ZBTB46: variants seen among roughly 807,000 people sequenced by gnomAD.
The protein encoded by ZBTB46 is zinc finger and BTB domain-containing protein 46.
Under a neutral mutation model 44.1 loss-of-function variants are expected in ZBTB46, and 8 were observed. That is an observed-to-expected ratio of 0.18 (90% CI 0.11 to 0.33). ZBTB46 has a LOEUF of 0.33. Among genes scored for constraint, ZBTB46 ranks in the 10% least tolerant of loss-of-function variants. ZBTB46 has a pLI of 1.00. For missense variants in ZBTB46, 651 were observed against 847.7 expected (o/e 0.77, Z 2.88); for synonymous variants, 409 against 382.3 (o/e 1.07, Z -0.81).
chr20:63,821,819 T>C (rs2092793958), intron 1 of ZBTB46, among the ~76,000 whole-genome samples: 1 of 152,164 alleles, frequency 6.6e-6, no homozygotes, highest in Non-Finnish European at 1.5e-5. Context: ...CCTGAAATGT[T>C]TCATTCACTT....
chr20:63,764,452 G>A (rs1461045528), intron 3 of ZBTB46, among the ~76,000 whole-genome samples: 1 of 151,758 alleles, frequency 6.6e-6, no homozygotes, highest in Non-Finnish European at 1.5e-5. Flanking sequence ...AAAAAAAATT[G>A]TGATGAATAT....
At chr20:63,795,532 G>A (rs2092596803) in intron 1 of ZBTB46, among the ~76,000 whole-genome samples, 1 of 152,262 alleles carries the variant, frequency 6.6e-6, no homozygotes, top group African/African-American at 2.4e-5. Flanking sequence ...TAGCCACCAG[G>A]AGAGGGAGAG....
At chr20:63,804,425 C>G (rs2092668622) in intron 1 of ZBTB46, among the ~76,000 whole-genome samples, 1 of 152,176 alleles carries the variant, frequency 6.6e-6, no homozygotes. Context: ...CCTGAGCCCT[C>G]TCAGCCAATG....
rs1340646387 is a variant in ZBTB46, at chr20:63,744,114, A to T, written c.*2816T>A. ...GCATACAAAACACAATATAAGATCT[A>T]AAAAAAACCACCACCATTAAGTATG... On this transcript the variant is annotated 3_prime_UTR_variant, in exon 5 of 5. Transcript: ENST00000245663. 1.3e-5 allele frequency: 2 copies of T among 152,082 alleles called. No individual in the cohort carries two copies. Among genetic ancestry groups the T allele is most frequent in the Non-Finnish European group, 2.9e-5 (2 of 67,996 alleles). 9.4% of individuals were successfully genotyped at this position (152,082 alleles called of 1,614,324 possible).
At chr20:63,794,584 G>A (rs1485837782) in intron 1 of ZBTB46, among the ~76,000 whole-genome samples, 1 of 152,206 alleles carries the variant, frequency 6.6e-6, no homozygotes, top group Non-Finnish European at 1.5e-5. Context: ...GAAGTTCTAG[G>A]AGAATATTTG....
At chr20:63,791,898 A>G (rs1386329866) in intron 1 of ZBTB46, among the ~76,000 whole-genome samples, 2 of 152,210 alleles carry the variant, frequency 1.3e-5, no homozygotes, top group Non-Finnish European at 2.9e-5. Flanking sequence ...CCGCCCTATC[A>G]AGCCTGGGAG....
In ZBTB46 at chr20:63,803,188, C is replaced by A; in HGVS notation, c.-33-12398G>T. The A allele has an allele frequency of 1.9e-6, 1 of 531,488 alleles. No individual in the cohort carries two copies. The allele number at this position is 531,488 out of a possible 1,614,324, so 32.9% of individuals were successfully genotyped here. A position where few individuals can be genotyped will look rare whatever the true frequency, so the allele number is the denominator to read the frequency against. Reference sequence around the variant, plus strand: ...ATCCAGGCAGGGACCAGTGTGGGCACCATCCCCCAGGGCGCCTCACCAGCA... The same window carrying A: ...ATCCAGGCAGGGACCAGTGTGGGCAACATCCCCCAGGGCGCCTCACCAGCA... On this transcript the variant is annotated intron_variant, in intron 1 of 4. Coordinates refer to ENST00000245663, the MANE Select transcript of ZBTB46 (RefSeq NM_001369741.1). The surrounding 1 kb of genome is among the most constrained non-coding windows in gnomAD (Gnocchi z 4.0).
chr20:63,797,174 C>T (rs2092610418), intron 1 of ZBTB46, among the ~76,000 whole-genome samples: 1 of 125,470 alleles, frequency 8.0e-6, no homozygotes, highest in South Asian at 2.9e-4. Flanking sequence ...CACCCCACAA[C>T]AGGCCCTGGT....
intron 1 of ZBTB46, among the ~76,000 whole-genome samples, chr20:63,807,405 C>T (rs6011128): frequency 0.18 from 27,115 of 152,050 alleles, 2,935 homozygotes; most frequent in East Asian, 0.45. Context: ...AGTGCAGTGG[C>T]GCCATCTTGG....
intron 3 of ZBTB46, among the ~76,000 whole-genome samples, chr20:63,772,706 G>A (rs1337207158): frequency 5.3e-5 from 8 of 150,382 alleles, no homozygotes; most frequent in African/African-American, 1.7e-4. Flanking sequence ...GCAAGAGAGC[G>A]AGACCCTGTC....
intron 1 of ZBTB46, among the ~76,000 whole-genome samples, chr20:63,801,343 T>G (rs1436636385): frequency 1.3e-5 from 2 of 152,196 alleles, no homozygotes; most frequent in African/African-American, 4.8e-5. Flanking sequence ...GGAGAACTTT[T>G]GTGTCTAGCT....
At chr20:63,813,265 A>G (rs1258868511) in intron 1 of ZBTB46, among the ~76,000 whole-genome samples, 2 of 151,822 alleles carry the variant, frequency 1.3e-5, no homozygotes, top group African/African-American at 2.4e-5. Context: ...CCTGGCCAAC[A>G]TGGTGAAACC....
chr20:63,795,108 C>G (rs1162204445), intron 1 of ZBTB46, among the ~76,000 whole-genome samples: 1 of 152,226 alleles, frequency 6.6e-6, no homozygotes, highest in African/African-American at 2.4e-5. Flanking sequence ...AGAGGGACGC[C>G]GCCTCTGCTG....
At chr20:63,813,888 A>G (rs2092732181) in intron 1 of ZBTB46, among the ~76,000 whole-genome samples, 1 of 152,212 alleles carries the variant, frequency 6.6e-6, no homozygotes. Context: ...AGCCACACAC[A>G]ACGAAGCACC....
chr20:63,784,401 T>C (rs948606832), intron 2 of ZBTB46, among the ~76,000 whole-genome samples: 1 of 152,164 alleles, frequency 6.6e-6, no homozygotes, highest in Non-Finnish European at 1.5e-5. Flanking sequence ...GATGTACGCT[T>C]AAAAATCCCA....
At chr20:63,774,780 T>G (rs55754920) in intron 3 of ZBTB46, among the ~76,000 whole-genome samples, 1 of 146,540 alleles carries the variant, frequency 6.8e-6, no homozygotes, top group African/African-American at 2.5e-5. Context: ...CTCGGCTCAC[T>G]GCAAGCTCTG....
intron 1 of ZBTB46, among the ~76,000 whole-genome samples, chr20:63,791,355 G>C (rs2092559049): frequency 6.6e-6 from 1 of 152,008 alleles, no homozygotes; most frequent in Non-Finnish European, 1.5e-5. Context: ...AAGCAGCTGG[G>C]CATGGTGGCG....
At chr20:63,748,385 G>A (rs1438463185) in intron 4 of ZBTB46, among the ~76,000 whole-genome samples, 1 of 152,200 alleles carries the variant, frequency 6.6e-6, no homozygotes, top group Non-Finnish European at 1.5e-5. Flanking sequence ...GTGGCCCCAG[G>A]TGGGCTTCCG....
At chr20:63,779,118 C>A (rs1331485617) in intron 2 of ZBTB46, among the ~76,000 whole-genome samples, 22 of 152,188 alleles carry the variant, frequency 1.4e-4, no homozygotes. Flanking sequence ...TCCTTCAAGG[C>A]CCTCCCCAGA....
Sources: gnomAD v4.1 joint callset for allele counts (sites outside exome capture counted in the v4.1 genomes callset) on GRCh38, gnomAD v4.1.1 for gene constraint, Gnocchi (gnomAD v3.1) non-coding constraint, MANE v1.5 for transcripts, NCBI Gene and HGNC (gene_info 2026-07-23, HGNC 2026-07-21) for gene names.